The following RBFOX1 variants were observed in gnomAD, a reference collection of about 807,000 sequenced individuals.
RBFOX1 encodes the protein RNA binding protein fox-1 homolog 1.
A neutral mutation model predicts 57.7 loss-of-function variants in RBFOX1; 8 were observed. The ratio of observed to expected loss-of-function variants is 0.14; its 90% confidence interval spans 0.08 to 0.25. The LOEUF is 0.25. Among genes scored for constraint, RBFOX1 ranks in the 10% least tolerant of loss-of-function variants. RBFOX1 has a pLI of 1.00. For missense variants in RBFOX1, 611 were observed against 548.5 expected (o/e 1.11, Z -1.14); for synonymous variants, 326 against 222.4 (o/e 1.47, Z -4.15).
rs548509376 is a variant in RBFOX1, at chr16:7,270,951, G to C, written c.27+218853G>C. ...AATGGAGACTTAGGGGTTACGGTGGGGCTGGGTGCTGAGTCATTTGGAAGA... is the reference window on the plus strand; with the variant it reads ...AATGGAGACTTAGGGGTTACGGTGGCGCTGGGTGCTGAGTCATTTGGAAGA... On this transcript the variant is annotated intron_variant, in intron 4 of 15. Transcript: ENST00000550418. Among the ~76,000 whole-genome samples, 116 of 152,212 alleles carry C rather than the reference G, an allele frequency of 7.6e-4. 1 individual carries two copies. In the Middle Eastern group the frequency reaches 0.014, roughly 18 times the overall value.
At chr16:5,957,988 G>A (rs774199237) in intron 4 of RBFOX1, among the ~76,000 whole-genome samples, 7 of 151,990 alleles carry the variant, frequency 4.6e-5, no homozygotes, top group South Asian at 2.1e-4. Flanking sequence ...CCCAGCCTCC[G>A]GTAATTATCC....
intron 3 of RBFOX1, among the ~76,000 whole-genome samples, chr16:5,738,314 G>T (rs1244591459): frequency 6.6e-6 from 1 of 151,690 alleles, no homozygotes; most frequent in Non-Finnish European, 1.5e-5. Context: ...TATCAACAAC[G>T]CTGTTTCTTT....
chr16:7,133,562 A>T (rs1470766445), intron 4 of RBFOX1, among the ~76,000 whole-genome samples: 7 of 152,230 alleles, frequency 4.6e-5, no homozygotes, highest in Admixed American at 3.9e-4. Context: ...TCTTGTCTTA[A>T]TTTAAAGCTG....
intron 3 of RBFOX1, among the ~76,000 whole-genome samples, chr16:7,000,764 C>T (rs866301950): frequency 3.3e-5 from 5 of 151,894 alleles, no homozygotes; most frequent in Non-Finnish European, 7.4e-5. Flanking sequence ...GCCATCATGC[C>T]TGGCTAACTT....
intron 2 of RBFOX1, among the ~76,000 whole-genome samples, chr16:6,509,915 A>T (rs1707757303): frequency 6.6e-6 from 1 of 152,214 alleles, no homozygotes; most frequent in African/African-American, 2.4e-5. Context: ...TATATCCCTG[A>T]TAATGCAGGA....
intron 3 of RBFOX1, among the ~76,000 whole-genome samples, chr16:7,051,633 AT>A: frequency 6.6e-6 from 1 of 152,188 alleles, no homozygotes; most frequent in Non-Finnish European, 1.5e-5. Flanking sequence ...GGCCCTAAAC[AT>A]TGGAGAAGAC....
chr16:6,598,756 A>T (rs938258453), intron 2 of RBFOX1, among the ~76,000 whole-genome samples: 4 of 151,982 alleles, frequency 2.6e-5, no homozygotes, highest in African/African-American at 9.7e-5. Context: ...GACCAGCCGG[A>T]CCAATATGGT....
chr16:6,846,268 C>T (rs1567532030), intron 3 of RBFOX1, among the ~76,000 whole-genome samples: 3 of 152,036 alleles, frequency 2.0e-5, no homozygotes. Flanking sequence ...GTGAATTGGC[C>T]CGAAGATCCC....
chr16:5,890,790 A>T (rs1305961080), intron 4 of RBFOX1, among the ~76,000 whole-genome samples: 1 of 151,794 alleles, frequency 6.6e-6, no homozygotes, highest in Non-Finnish European at 1.5e-5. Flanking sequence ...CCTACACCAT[A>T]TTGCCATTTA....
intron 3 of RBFOX1, among the ~76,000 whole-genome samples, chr16:5,807,902 A>G (rs2151768322): frequency 6.6e-6 from 1 of 152,320 alleles, no homozygotes; most frequent in African/African-American, 2.4e-5. Context: ...ACTTTCCAGA[A>G]CCACATCCAC....
intron 4 of RBFOX1, among the ~76,000 whole-genome samples, chr16:7,247,937 G>C (rs2153002716): frequency 6.6e-6 from 1 of 152,206 alleles, no homozygotes; most frequent in Middle Eastern, 3.4e-3. Flanking sequence ...TAACTAATGA[G>C]TACTAGGCTT....
At chr16:6,605,020 G>C (rs1039659732) in intron 2 of RBFOX1, among the ~76,000 whole-genome samples, 2 of 151,838 alleles carry the variant, frequency 1.3e-5, no homozygotes, top group Non-Finnish European at 2.9e-5. Flanking sequence ...TATTTATAGT[G>C]TGTGCATATA....
At chr16:7,688,197 A>G (rs1181008946) in intron 14 of RBFOX1, among the ~76,000 whole-genome samples, 1 of 146,832 alleles carries the variant, frequency 6.8e-6, no homozygotes, top group East Asian at 2.0e-4. Flanking sequence ...GGGATTGCCT[A>G]GTAGGCATCC....
intron 2 of RBFOX1, among the ~76,000 whole-genome samples, chr16:6,625,654 C>T (rs751557502): frequency 6.6e-6 from 1 of 152,090 alleles, no homozygotes; most frequent in Non-Finnish European, 1.5e-5. Flanking sequence ...ACCGCCCCCG[C>T]CCCAAGAAAT....
intron 4 of RBFOX1, among the ~76,000 whole-genome samples, chr16:7,467,076 A>G (rs779255491): frequency 6.6e-6 from 1 of 152,212 alleles, no homozygotes; most frequent in Non-Finnish European, 1.5e-5. Flanking sequence ...GCATATAAAT[A>G]TGTACATATT....
In RBFOX1 at chr16:6,528,791, C is replaced by T. The variant is rs1029652557; in HGVS notation, c.-63-125812C>T. Reference sequence around the variant, plus strand: ...ATGGTTAGCAGCACCTTGCTTCAACCCACTAGGTGACAGTAGCATTCCACA... The same window carrying T: ...ATGGTTAGCAGCACCTTGCTTCAACTCACTAGGTGACAGTAGCATTCCACA... On this transcript the variant is annotated intron_variant, in intron 2 of 15. Coordinates refer to ENST00000550418, the MANE Select transcript of RBFOX1 (RefSeq NM_018723.4). Among the ~76,000 whole-genome samples the T allele has an allele frequency of 3.9e-5, 6 of 152,240 alleles. No homozygotes were observed. The East Asian group carries it at 1.2e-3, about 29-fold the overall frequency.
In RBFOX1 at chr16:6,694,181, A is replaced by G. The variant is rs1005527699; in HGVS notation, c.-16+39531A>G. Among the ~76,000 whole-genome samples, 10 of 152,324 alleles carry G rather than the reference A, an allele frequency of 6.6e-5. 1 individual carries two copies. The Middle Eastern group carries it at 0.01, about 155-fold the overall frequency. On this transcript the variant is annotated intron_variant, in intron 3 of 15. Coordinates refer to ENST00000550418, the MANE Select transcript of RBFOX1 (RefSeq NM_018723.4). The stretch of plus-strand genomic sequence containing the variant: ...TTGGAGTTTTCCTTGTTCCTGCTAA[A>G]TAATCCCTTTAGGGCAACTTCTATT...
intron 4 of RBFOX1, among the ~76,000 whole-genome samples, chr16:5,981,827 T>A (rs1367642282): frequency 6.6e-6 from 1 of 152,106 alleles, no homozygotes; most frequent in Non-Finnish European, 1.5e-5. Flanking sequence ...CGTTTGACAA[T>A]GTGCATGGGA....
At chr16:6,512,405 G>T (rs2096274099) in intron 2 of RBFOX1, among the ~76,000 whole-genome samples, 1 of 152,054 alleles carries the variant, frequency 6.6e-6, no homozygotes, top group Non-Finnish European at 1.5e-5. Flanking sequence ...CCTCGGGTAG[G>T]ATAGGGAATG....
Sources: allele counts gnomAD v4.1 joint callset (sites outside exome capture counted in the v4.1 genomes callset), GRCh38; gene constraint gnomAD v4.1.1; transcripts MANE v1.5; gene names NCBI Gene and HGNC (gene_info 2026-07-23, HGNC 2026-07-21).